FAF1: variants seen among roughly 807,000 people sequenced by gnomAD.
FAF1 encodes Fas associated factor 1.
In FAF1, 25 loss-of-function variants were observed where a neutral mutation model predicts 92.5. The ratio of observed to expected loss-of-function variants is 0.27; its 90% CI spans 0.20 to 0.38. The LOEUF is 0.38. FAF1 is among the 10% of genes least tolerant of loss of function. FAF1 has a pLI of 1.00. For synonymous variants in FAF1, 234 were observed against 273.2 expected, an observed-to-expected ratio of 0.86 and a Z score of 1.42; for missense variants, 636 against 793.3, an observed-to-expected ratio of 0.80 and a Z score of 2.38.
chr1:50,869,830 T>C (rs942226846), intron 1 of FAF1, among the ~76,000 whole-genome samples: 2 of 152,214 alleles, frequency 1.3e-5, no homozygotes, highest in African/African-American at 4.8e-5. Flanking sequence ...TTACATATTT[T>C]AAACATATCT....
At chr1:50,922,458 CAAAAAAAAAAAA>C (rs33971185) in intron 1 of FAF1, among the ~76,000 whole-genome samples, 1 of 37,270 alleles carries the variant, frequency 2.7e-5, no homozygotes, top group Non-Finnish European at 4.3e-5. Flanking sequence ...GACTCTGCCT[CAAAAAAAAAAAA>C]AAAAAAAAAA....
chr1:50,814,762 G>T (rs780852428), intron 2 of FAF1, among the ~76,000 whole-genome samples: 4 of 152,140 alleles, frequency 2.6e-5, no homozygotes, highest in Non-Finnish European at 5.9e-5. Context: ...AATCATTAAA[G>T]ATGCTGAGCT....
At chr1:50,709,042 G>T (rs1446485500) in intron 6 of FAF1, among the ~76,000 whole-genome samples, 1 of 152,190 alleles carries the variant, frequency 6.6e-6, no homozygotes, top group Non-Finnish European at 1.5e-5. Context: ...GCGAGTAATG[G>T]AAAGACTTCC....
At chr1:50,915,089 A>G (rs184960983) in intron 1 of FAF1, among the ~76,000 whole-genome samples, 9 of 152,344 alleles carry the variant, frequency 5.9e-5, no homozygotes, top group African/African-American at 2.2e-4. Flanking sequence ...AAACAAGAAC[A>G]GCTGGGCATG....
At chr1:50,596,730 T>C (rs991994378) in intron 8 of FAF1, among the ~76,000 whole-genome samples, 2 of 152,214 alleles carry the variant, frequency 1.3e-5, no homozygotes, top group Non-Finnish European at 2.9e-5. Context: ...TACAGGGTGC[T>C]TCCTCAAATA....
At chr1:50,870,938 T>C (rs1370191373) in intron 1 of FAF1, among the ~76,000 whole-genome samples, 1 of 152,238 alleles carries the variant, frequency 6.6e-6, no homozygotes, top group Non-Finnish European at 1.5e-5. Context: ...AAGGTTTTTT[T>C]GCACCAAATA....
intron 1 of FAF1, among the ~76,000 whole-genome samples, chr1:50,912,649 A>G (rs1644893954): frequency 6.6e-6 from 1 of 152,166 alleles, no homozygotes; most frequent in South Asian, 2.1e-4. Context: ...ATGTCTCTCT[A>G]CTGTTTCCCA....
Position 50,539,731 on chromosome 1 carries a change from A to G in FAF1, c.1269-3T>C. 1 of 1,604,554 alleles carries G rather than the reference A, an allele frequency of 6.2e-7. No homozygotes were observed. The highest frequency in any genetic ancestry group is 8.5e-7 in the Non-Finnish European group (1 of 1,174,264). ...GTCTATTGCACATAGTGAGAAATCTAAAAGGAGACAAAATACAAAGTAAGT... is the reference window on the plus strand; with the variant it reads ...GTCTATTGCACATAGTGAGAAATCTGAAAGGAGACAAAATACAAAGTAAGT... On this transcript the variant is annotated splice_polypyrimidine_tract_variant and splice_region_variant and intron_variant, in intron 13 of 18. Coordinates refer to ENST00000396153, the MANE Select transcript of FAF1 (RefSeq NM_007051.3).
intron 1 of FAF1, among the ~76,000 whole-genome samples, chr1:50,937,050 CA>C (rs1645090698): frequency 6.6e-6 from 1 of 151,980 alleles, no homozygotes; most frequent in African/African-American, 2.4e-5. Context: ...TTCAAGTTGA[CA>C]AAGTTCTTCA....
intron 1 of FAF1, among the ~76,000 whole-genome samples, chr1:50,954,941 C>G (rs1408922302): frequency 6.6e-6 from 1 of 152,138 alleles, no homozygotes; most frequent in African/African-American, 2.4e-5. Flanking sequence ...CCCAGAAGTT[C>G]AAAGGGGCAG....
intron 2 of FAF1, among the ~76,000 whole-genome samples, chr1:50,833,466 C>T (rs543433024): frequency 2.0e-5 from 3 of 152,232 alleles, no homozygotes; most frequent in African/African-American, 7.2e-5. Flanking sequence ...ATCTCAGCAC[C>T]TCACTGCATT....
chr1:50,664,091 G>C (rs1034247490), intron 7 of FAF1, among the ~76,000 whole-genome samples: 1 of 150,354 alleles, frequency 6.7e-6, no homozygotes, highest in Non-Finnish European at 1.5e-5. Flanking sequence ...TCTGCCTCCG[G>C]GGTTCAAGCA....
chr1:50,846,918 A>G (rs904637477), intron 2 of FAF1: 10 of 342,070 alleles, frequency 2.9e-5, no homozygotes, highest in African/African-American at 2.0e-4. Flanking sequence ...AATAGTTTAC[A>G]AGCTTGGCCT....
intron 8 of FAF1, among the ~76,000 whole-genome samples, chr1:50,635,362 C>T (rs144094834): frequency 0.012 from 1,769 of 152,312 alleles, 29 homozygotes; most frequent in African/African-American, 0.041. Flanking sequence ...CCCTCTACAA[C>T]TTGAAATGCA....
chr1:50,959,325 C>T (rs1645296458), intron 1 of FAF1, among the ~76,000 whole-genome samples: 1 of 152,122 alleles, frequency 6.6e-6, no homozygotes, highest in Non-Finnish European at 1.5e-5. Context: ...CATCATTCTG[C>T]TTTTTTACTC....
chr1:50,611,891 A>G (rs1652702806), intron 8 of FAF1, among the ~76,000 whole-genome samples: 1 of 152,238 alleles, frequency 6.6e-6, no homozygotes, highest in Non-Finnish European at 1.5e-5. Flanking sequence ...CACAAGGCAG[A>G]GCTCATGGAA....
At chr1:50,884,774 A>G (rs922295395) in intron 1 of FAF1, among the ~76,000 whole-genome samples, 3 of 152,038 alleles carry the variant, frequency 2.0e-5, no homozygotes, top group Admixed American at 6.6e-5. Context: ...CATCAGGGTA[A>G]TACTGGCCTT....
chr1:50,474,103 C>A (rs1193273314), intron 18 of FAF1, among the ~76,000 whole-genome samples: 1 of 152,206 alleles, frequency 6.6e-6, no homozygotes, highest in Non-Finnish European at 1.5e-5. Context: ...ACAAGATATT[C>A]CTTTCTTAGA....
chr1:50,770,611 C>T (rs973457063), intron 4 of FAF1, among the ~76,000 whole-genome samples: 1 of 151,918 alleles, frequency 6.6e-6, no homozygotes, highest in Non-Finnish European at 1.5e-5. Flanking sequence ...AGATATGACA[C>T]AAAGAAATGA....
Sources: allele counts gnomAD v4.1 joint callset (sites outside exome capture counted in the v4.1 genomes callset), GRCh38; gene constraint gnomAD v4.1.1; transcripts MANE v1.5; gene names NCBI Gene and HGNC (gene_info 2026-07-23, HGNC 2026-07-21).